Variants in ATG10 observed in about 807,000 individuals in gnomAD.
The protein encoded by ATG10 is ubiquitin-like-conjugating enzyme ATG10.
In ATG10, 30 loss-of-function variants were observed where a neutral mutation model predicts 32.1. The ratio of observed to expected loss-of-function variants is 0.94; its 90% CI spans 0.70 to 1.27. The LOEUF (loss-of-function observed/expected upper bound fraction) is 1.27, where lower values mean the gene tolerates loss of function less well. Among genes scored for constraint, ATG10 ranks in the 50% most tolerant of loss-of-function variants. ATG10 has a pLI of 0.00. For synonymous variants in ATG10, 87 were observed against 91.5 expected (o/e 0.95, Z 0.28); for missense variants, 233 against 262.3 (o/e 0.89, Z 0.77).
chr5:82,100,000 GTTTTTTTTTTTTTTT>G (rs869311526), intron 3 of ATG10, among the ~76,000 whole-genome samples: 2 of 58,940 alleles, frequency 3.4e-5, no homozygotes, highest in Non-Finnish European at 6.2e-5. Context: ...CTTTTTCTGT[GTTTTTTTTTTTTTTT>G]TTTTTTTTTT....
rs1449134951 is a variant in ATG10, at chr5:82,164,478, A to G, written c.296A>G (p.His99Arg). The G allele has an allele frequency of 6.2e-7, 1 of 1,612,912 alleles. No individual in the cohort carries two copies. The highest frequency in any genetic ancestry group is 8.5e-7 in the Non-Finnish European group (1 of 1,178,894). The change falls in exon 4 of 8, where the codon CAT becomes CGT. Residue 99 changes from histidine to arginine, a missense_variant. By Grantham distance (29) the His-to-Arg change is conservative (BLOSUM62 0). Transcript: ENST00000282185. ...TCCGAAGTGATTAAATATGAGTATC[A>G]TGTCTTATATTCCTGTAGCTACCAA... ...AASEVIKYEYHVLYSCSYQVP... is the reference protein window; with the variant it reads ...AASEVIKYEYRVLYSCSYQVP...
At chr5:82,094,142 T>A (rs547086233) in intron 3 of ATG10, among the ~76,000 whole-genome samples, 11 of 152,312 alleles carry the variant, frequency 7.2e-5, no homozygotes, top group Middle Eastern at 3.4e-3. Flanking sequence ...CGGTTATACC[T>A]TCTTGCACTG....
At chr5:82,128,242 A>G (rs1485939502) in intron 3 of ATG10, among the ~76,000 whole-genome samples, 4 of 151,836 alleles carry the variant, frequency 2.6e-5, no homozygotes, top group Admixed American at 2.6e-4. Context: ...CTCTTTATCC[A>G]ATATGCCAGT....
intron 3 of ATG10, among the ~76,000 whole-genome samples, chr5:82,138,725 T>C (rs1193120682): frequency 6.6e-6 from 1 of 152,102 alleles, no homozygotes; most frequent in Admixed American, 6.5e-5. Context: ...TTAAAAATAT[T>C]TTTGACATAT....
intron 3 of ATG10, among the ~76,000 whole-genome samples, chr5:82,092,884 T>A (rs1237826230): frequency 6.6e-6 from 1 of 152,178 alleles, no homozygotes; most frequent in Admixed American, 6.5e-5. Context: ...CTTTAATATC[T>A]CTTGATATCC....
intron 1 of ATG10, among the ~76,000 whole-genome samples, chr5:81,974,683 A>G (rs948115410): frequency 6.6e-6 from 1 of 152,146 alleles, no homozygotes; most frequent in Non-Finnish European, 1.5e-5. Context: ...AGGCACAATT[A>G]GAAGGCACTA....
At chr5:82,139,894 G>A (rs1766997994) in intron 3 of ATG10, among the ~76,000 whole-genome samples, 2 of 139,482 alleles carry the variant, frequency 1.4e-5, no homozygotes, top group Admixed American at 6.9e-5. Context: ...GGAGGTGGGG[G>A]GGTCAGCCCC....
intron 2 of ATG10, among the ~76,000 whole-genome samples, chr5:81,999,044 A>T (rs1042954428): frequency 6.6e-6 from 1 of 152,084 alleles, no homozygotes. Flanking sequence ...AAAGACATCT[A>T]CAGAATGCTG....
intron 2 of ATG10, among the ~76,000 whole-genome samples, chr5:82,024,957 G>C (rs562185039): frequency 6.6e-6 from 1 of 152,218 alleles, no homozygotes; most frequent in African/African-American, 2.4e-5. Context: ...AGGTTTTTAG[G>C]TGGAGGAAAG....
chr5:82,028,367 A>T (rs1762650873), intron 2 of ATG10, among the ~76,000 whole-genome samples: 1 of 152,216 alleles, frequency 6.6e-6, no homozygotes, highest in Non-Finnish European at 1.5e-5. Flanking sequence ...GGGATGAAAT[A>T]TTGAAGGTGG....
chr5:81,996,214 C>G (rs1254464357), intron 2 of ATG10, among the ~76,000 whole-genome samples: 1 of 152,068 alleles, frequency 6.6e-6, no homozygotes, highest in Non-Finnish European at 1.5e-5. Flanking sequence ...TTCTCAGTTT[C>G]TTTGTTTGTG....
intron 3 of ATG10, among the ~76,000 whole-genome samples, chr5:82,060,748 C>T (rs1763740209): frequency 6.6e-6 from 1 of 151,966 alleles, no homozygotes; most frequent in African/African-American, 2.4e-5. Flanking sequence ...GCCTATGGTC[C>T]TAGCTACTCG....
intron 5 of ATG10, among the ~76,000 whole-genome samples, chr5:82,231,655 A>G (rs576782588): frequency 2.6e-5 from 4 of 152,316 alleles, no homozygotes; most frequent in East Asian, 1.9e-4. Flanking sequence ...GGAGAATCAC[A>G]TATTTTGTAA....
intron 2 of ATG10, among the ~76,000 whole-genome samples, chr5:82,019,617 G>T (rs1439906660): frequency 6.6e-6 from 1 of 152,126 alleles, no homozygotes; most frequent in East Asian, 1.9e-4. Context: ...GGAGTGCAGT[G>T]TTCTTAATGA....
At chr5:82,207,938 T>C (rs944282149) in intron 5 of ATG10, among the ~76,000 whole-genome samples, 2 of 152,188 alleles carry the variant, frequency 1.3e-5, no homozygotes, top group Non-Finnish European at 2.9e-5. Flanking sequence ...TTTCTAGATA[T>C]TTTTTAACTA....
Position 82,061,173 on chromosome 5 carries a change from C to T in ATG10, c.216+2571C>T, listed in dbSNP as rs143410086. 2.4e-3 allele frequency among the ~76,000 whole-genome samples: 372 copies of T among 152,182 alleles called. 2 individuals are homozygous for T. The highest frequency in any genetic ancestry group is 8.6e-3 in the African/African-American group (358 of 41,514). On this transcript the variant is annotated intron_variant, in intron 3 of 7. Transcript: ENST00000282185. ...AGGTAAGAGCAGAAGATTTTAACAG[C>T]AGAAGTTTAGAACAAGACAGCCCAG...
intron 3 of ATG10, among the ~76,000 whole-genome samples, chr5:82,118,397 T>TATAC (rs1765908185): frequency 1.6e-5 from 2 of 121,310 alleles, no homozygotes; most frequent in East Asian, 4.3e-4. Context: ...CATATATATA[T>TATAC]ATATATATGT....
intron 5 of ATG10, among the ~76,000 whole-genome samples, chr5:82,248,411 A>T (rs1400273943): frequency 2.6e-5 from 4 of 152,212 alleles, no homozygotes; most frequent in African/African-American, 9.7e-5. Context: ...TTATGGCCAG[A>T]TTGCTCTGGT....
intron 2 of ATG10, chr5:82,009,889 G>T (rs567018500): frequency 1.9e-6 from 3 of 1,609,902 alleles, no homozygotes; most frequent in Non-Finnish European, 1.7e-6. Context: ...CCATTATGGC[G>T]TGTGAAGTCA....
Sources: gnomAD v4.1 joint callset for allele counts (sites outside exome capture counted in the v4.1 genomes callset) on GRCh38, gnomAD v4.1.1 for gene constraint, MANE v1.5 for transcripts, NCBI Gene and HGNC (gene_info 2026-07-23, HGNC 2026-07-21) for gene names.